The following MRI1 variants were observed in gnomAD, a reference collection of about 807,000 sequenced individuals.
MRI1 encodes the protein methylthioribose-1-phosphate isomerase 1.
A neutral mutation model predicts 27.3 loss-of-function variants in MRI1; 32 were observed. The observed-to-expected ratio is 1.17, with a 90% confidence interval of 0.88 to 1.57. The LOEUF is 1.57. Among genes scored for constraint, MRI1 ranks in the 40% most tolerant of loss-of-function variants. The probability of loss-of-function intolerance (pLI) is 0.00; values close to 1 mark genes in which losing one functional copy is unlikely to be tolerated. For synonymous variants in MRI1, 216 were observed against 227.4 expected (o/e 0.95, Z 0.45); for missense variants, 508 against 516.1 (o/e 0.98, Z 0.15).
intron 5 of MRI1, among the ~76,000 whole-genome samples, chr19:13,771,154 T>G (rs936939158): frequency 2.6e-5 from 4 of 151,020 alleles, no homozygotes; most frequent in Non-Finnish European, 5.9e-5. Context: ...GGTCAGGGGT[T>G]CGAGACCAGC....
chr19:13,766,004 G>T lies in MRI1; in HGVS notation c.422G>T (p.Arg141Leu), dbSNP rs533532100. The T allele has an allele frequency of 1.2e-6, 2 of 1,612,806 alleles. No individual in the cohort carries two copies. The highest frequency in any genetic ancestry group is 2.7e-5 in the African/African-American group (2 of 75,020). Residue 141 changes from arginine to leucine, a missense_variant, in exon 3 of 6, where the codon CGA (arginine) becomes CTA (leucine). By Grantham distance (102) the Arg-to-Leu change is moderately radical. Coordinates refer to ENST00000040663, the MANE Select transcript of MRI1 (RefSeq NM_001031727.4). ...CTGGAGAAAGACCTCAGAGACAACC[G>T]AAGCATTGGGGACCTAGGAGCCCGC... ...DMLEKDLRDN[R>L]SIGDLGARHL... is the part of the protein sequence containing the mutation.
At position 13,769,027 on chromosome 19, in the gene MRI1, G is replaced by T. The variant is rs373564044; in HGVS notation, c.928G>T (p.Gly310Trp). 4.3e-5 allele frequency: 70 copies of T among 1,612,612 alleles called. No homozygotes were observed. Among genetic ancestry groups the T allele is most frequent in the African/African-American group, 4.1e-4 (31 of 74,912 alleles). ...GGGCCAGGAGCTGACCGATGTTAAT[G>T]GGGTCCGGATTGCAGCACCTGGTAA... The part of the protein sequence containing the change: ...RPGQELTDVN[G>W]VRIAAPGIGV... The change falls in exon 5 of 6, where the codon GGG becomes TGG. Residue 310 changes from glycine (G) to tryptophan (W), a missense_variant. Transcript: ENST00000040663.
intron 3 of MRI1, among the ~76,000 whole-genome samples, chr19:13,766,522 A>C (rs1264910940): frequency 6.6e-6 from 1 of 152,170 alleles, no homozygotes; most frequent in Non-Finnish European, 1.5e-5. Context: ...GCCTAGAGCC[A>C]GGGCAGGACG....
Position 13,774,272 on chromosome 19 carries a change from T to C in MRI1, c.*1991T>C. ...CATAAGCTCTCAATAAACGTTAGCT[T>C]ATCATTGTCACCGTTTTGTTCGTAA... is the stretch of plus-strand genomic sequence containing the variant. On this transcript the variant is annotated 3_prime_UTR_variant, in exon 6 of 6. Transcript: ENST00000040663. The C allele has an allele frequency of 1.8e-6, 1 of 558,392 alleles. No individual in the cohort carries two copies. Among genetic ancestry groups the C allele is most frequent in the Non-Finnish European group, 3.2e-6 (1 of 315,502 alleles). The allele number at this position is 558,392 out of a possible 1,614,324, so 34.6% of individuals were successfully genotyped here.
chr19:13,767,879 T>TTTTTTTTTTTTTTTTTTTG, intron 3 of MRI1, among the ~76,000 whole-genome samples: 1 of 133,060 alleles, frequency 7.5e-6, no homozygotes, highest in Admixed American at 7.6e-5. Context: ...TTTTTTTTTT[T>TTTTTTTTTTTTTTTTTTTG]TTTTTTTGAG....
rs143734805 is a variant in MRI1 at position 13,768,967 on chromosome 19, G to A, written c.868G>A (p.Glu290Lys). 205 of 1,614,134 alleles carry A rather than the reference G, an allele frequency of 1.3e-4. 5 individuals carry two copies. In the African/African-American group the frequency reaches 2.5e-3, roughly 20 times the overall value. The change falls in exon 5 of 6, where the codon GAG becomes AAG. Residue 290 changes from glutamate to lysine, a missense_variant. By Grantham distance (56) the Glu-to-Lys change is moderately conservative. Transcript: ENST00000040663. Reference protein sequence around the residue: ...APSSSCDLRLETGKEIIIEER... With the variant: ...APSSSCDLRLKTGKEIIIEER... ...CAGCTCTTCATGTGACCTCCGTCTG[G>A]AGACCGGCAAGGAGATCATTATTGA... is the stretch of plus-strand genomic sequence containing the variant.
intron 5 of MRI1, among the ~76,000 whole-genome samples, chr19:13,769,864 G>A (rs529601831): frequency 7.9e-5 from 12 of 151,688 alleles, no homozygotes; most frequent in Non-Finnish European, 1.6e-4. Flanking sequence ...AGGTTGTGGT[G>A]AGCTGAGATT....
At chr19:13,767,282 G>T (rs1305284125) in intron 3 of MRI1, among the ~76,000 whole-genome samples, 1 of 151,702 alleles carries the variant, frequency 6.6e-6, no homozygotes, top group African/African-American at 2.4e-5. Flanking sequence ...TCTGACCTTA[G>T]GCGGTCCGCC....
rs778302139 is a variant in MRI1, at chr19:13,772,290, G to C, written c.*9G>C. 6.2e-7 allele frequency: 1 copy of C among 1,608,892 alleles called. No homozygotes were observed. Among genetic ancestry groups the C allele is most frequent in the South Asian group, 1.1e-5 (1 of 90,506 alleles). ...ATGGACCCCAGATGTAACCAACTCA[G>C]CTCTCCCTAGCCTGCCTCTCTAGGT... On this transcript the variant is annotated 3_prime_UTR_variant, in exon 6 of 6. Transcript: ENST00000040663.
chr19:13,767,029 ATATATATATTTTTTTTTTTTTTTTT>A (rs533338745), intron 3 of MRI1, among the ~76,000 whole-genome samples: 2,147 of 42,278 alleles, frequency 0.051, 94 homozygotes, highest in African/African-American at 0.13. Flanking sequence ...ATATATATAT[ATATATATATTTTTTTTTTTTTTTTT>A]TTTTTTTTTT....
chr19:13,766,219 C>G (rs1974121904), intron 3 of MRI1, 90 bp downstream of exon 3: 1 of 1,277,844 alleles, frequency 7.8e-7, no homozygotes, highest in African/African-American at 1.5e-5. Context: ...ACCACTTTAT[C>G]CACAAAAAAA....
intron 3 of MRI1, chr19:13,768,268 G>A: frequency 1.3e-6 from 1 of 745,066 alleles, no homozygotes; most frequent in Non-Finnish European, 2.4e-6. Context: ...TAAATGCTAA[G>A]GACAGAGAGC....
rs374680191 is a variant in MRI1 at position 13,768,468 on chromosome 19, G to A, written c.548-93G>A. On this transcript the variant is annotated intron_variant, in intron 3 of 5. Coordinates refer to ENST00000040663, the MANE Select transcript of MRI1 (RefSeq NM_001031727.4). ...GCTCGGTAAGCCTTTGGCAATCCAC[G>A]CCCAGACTAGGAGCCTGCACCCCTA... 132 of 1,580,268 alleles carry A rather than the reference G, an allele frequency of 8.4e-5. 1 individual carries two copies. In the South Asian group the frequency reaches 9.2e-4, roughly 11 times the overall value.
At chr19:13,765,756 C>T (rs981170704) in intron 2 of MRI1, among the ~76,000 whole-genome samples, 198 bp from the exon 3 acceptor site, 1 of 152,220 alleles carries the variant, frequency 6.6e-6, no homozygotes, top group Non-Finnish European at 1.5e-5. Flanking sequence ...TGGGTCATAC[C>T]GGAACTGCTT....
chr19:13,769,841 A>C (rs1039979475), intron 5 of MRI1, among the ~76,000 whole-genome samples: 1 of 151,720 alleles, frequency 6.6e-6, no homozygotes. Context: ...AATCACTTGA[A>C]CCTGAGAGGC....
chr19:13,765,901 G>T, intron 2 of MRI1, 53 bp from the exon 3 acceptor site: 5 of 1,539,570 alleles, frequency 3.2e-6, no homozygotes, highest in Non-Finnish European at 3.5e-6. Context: ...AGGAGGCGTT[G>T]GCCTGGGCCC....
chr19:13,764,538 C>A lies in MRI1; in HGVS notation c.-51C>A, dbSNP rs573194689. 1.3e-6 allele frequency: 2 copies of A among 1,588,968 alleles called. No homozygotes were observed. The highest frequency in any genetic ancestry group is 1.9e-4 in the Middle Eastern group (1 of 5,172). On this transcript the variant is annotated 5_prime_UTR_variant, in exon 1 of 6. Transcript: ENST00000040663. Reference sequence around the variant, plus strand: ...CACGGCCCCGCCCCGCTCCCAAGTGCGCGCGGACCCCTAGCTCCCTCTGAG... The same window carrying A: ...CACGGCCCCGCCCCGCTCCCAAGTGAGCGCGGACCCCTAGCTCCCTCTGAG...
At position 13,765,952 on chromosome 19, in the gene MRI1, A is replaced by C; in HGVS notation, c.372-2A>C. 1.3e-6 allele frequency: 2 copies of C among 1,592,806 alleles called. No homozygotes were observed. The highest frequency in any genetic ancestry group is 8.6e-7 in the Non-Finnish European group (1 of 1,168,732). ...GGTGCTGAAAACTCCTTGTCACCCC[A>C]GAGTGATCTGCTGCACCGAGGACAT... On this transcript the variant is annotated splice_acceptor_variant, in intron 2 of 5. Coordinates refer to ENST00000040663, the MANE Select transcript of MRI1 (RefSeq NM_001031727.4). LOFTEE classifies it high-confidence loss of function.
Position 13,772,015 on chromosome 19 carries a change from G to A in MRI1, c.950-106G>A, listed in dbSNP as rs745890027. Reference sequence around the variant, plus strand: ...GGGTGAGAATCCTCAGGTTCTCAAGGACTCCCCAACTCCAAGAACCACTGT... The same window carrying A: ...GGGTGAGAATCCTCAGGTTCTCAAGAACTCCCCAACTCCAAGAACCACTGT... On this transcript the variant is annotated intron_variant, in intron 5 of 5. Coordinates refer to ENST00000040663, the MANE Select transcript of MRI1 (RefSeq NM_001031727.4). The A allele has an allele frequency of 5.5e-6, 6 of 1,085,100 alleles. No individual in the cohort carries two copies. The Admixed American group carries it at 9.6e-5, about 17-fold the overall frequency. 67.2% of individuals were successfully genotyped at this position (1,085,100 alleles called of 1,614,324 possible).
Sources: gnomAD v4.1 joint callset for allele counts (sites outside exome capture counted in the v4.1 genomes callset) on GRCh38, gnomAD v4.1.1 for gene constraint, MANE v1.5 for transcripts, NCBI Gene and HGNC (gene_info 2026-07-23, HGNC 2026-07-21) for gene names.